ASIC2: variants seen among roughly 807,000 people sequenced by gnomAD.
ASIC2 encodes acid-sensing ion channel 2.
ASIC2 carries 25 observed loss-of-function variants against 57.3 expected under a neutral mutation model. The ratio of observed to expected loss-of-function variants is 0.44; its 90% CI spans 0.32 to 0.61. The LOEUF (loss-of-function observed/expected upper bound fraction) is 0.61, where lower values mean the gene tolerates loss of function less well. ASIC2 is among the 20% of genes least tolerant of loss of function. The pLI is 0.06. For missense variants in ASIC2, 641 were observed against 738.1 expected, an observed-to-expected ratio of 0.87 and a Z score of 1.52; for synonymous variants, 319 against 307.5, an observed-to-expected ratio of 1.04 and a Z score of -0.39.
intron 1 of ASIC2, among the ~76,000 whole-genome samples, chr17:33,699,789 C>G (rs1489455401): frequency 6.6e-6 from 1 of 152,170 alleles, no homozygotes; most frequent in Non-Finnish European, 1.5e-5. Flanking sequence ...TATTTCTTAG[C>G]ATACATTTAT....
intron 1 of ASIC2, among the ~76,000 whole-genome samples, chr17:33,799,377 CCTTTCTTT>C (rs150337011): frequency 0.041 from 1,660 of 40,268 alleles, 15 homozygotes; most frequent in Middle Eastern, 0.056. Flanking sequence ...TTTCTTTCTT[CCTTTCTTT>C]CTTTCTTTCT....
At chr17:33,632,445 G>C (rs1286832015) in intron 1 of ASIC2, among the ~76,000 whole-genome samples, 2 of 152,126 alleles carry the variant, frequency 1.3e-5, no homozygotes, top group Non-Finnish European at 2.9e-5. Flanking sequence ...ACTGCCCAGT[G>C]CTGGGACAGT....
At chr17:33,453,057 G>C (rs1912318947) in intron 1 of ASIC2, among the ~76,000 whole-genome samples, 1 of 152,130 alleles carries the variant, frequency 6.6e-6, no homozygotes. Flanking sequence ...CCTCTCCGAA[G>C]GTTGCTAACT....
intron 1 of ASIC2, among the ~76,000 whole-genome samples, chr17:34,125,297 A>G (rs1161117755): frequency 6.6e-6 from 1 of 151,990 alleles, no homozygotes; most frequent in Non-Finnish European, 1.5e-5. Context: ...CTGGCACACA[A>G]TGTGTATACG....
intron 3 of ASIC2, among the ~76,000 whole-genome samples, chr17:33,062,129 T>C (rs1375614963): frequency 1.3e-5 from 2 of 152,226 alleles, no homozygotes; most frequent in Non-Finnish European, 2.9e-5. Context: ...GATTCACTGA[T>C]TTTTTGAAGG....
intron 1 of ASIC2, among the ~76,000 whole-genome samples, chr17:33,587,657 A>G (rs1174583146): frequency 6.6e-6 from 1 of 152,242 alleles, no homozygotes; most frequent in African/African-American, 2.4e-5. Context: ...GAGGTTGGGC[A>G]TAACACTTGT....
intron 1 of ASIC2, among the ~76,000 whole-genome samples, chr17:33,320,361 T>C (rs1302318533): frequency 1.3e-5 from 2 of 152,066 alleles, no homozygotes; most frequent in Non-Finnish European, 2.9e-5. Flanking sequence ...CTTTAAAGGG[T>C]TTCATTTTTA....
chr17:33,964,708 T>C lies in ASIC2; in HGVS notation c.555+191270A>G, dbSNP rs71379436. Reference sequence around the variant, plus strand: ...CCCATCTGGCCACATATCCCTCAGATTGTTGCCAGAACTTTCTTATTTCAT... The same window carrying C: ...CCCATCTGGCCACATATCCCTCAGACTGTTGCCAGAACTTTCTTATTTCAT... On this transcript the variant is annotated intron_variant, in intron 1 of 9. Transcript: ENST00000359872. 9.9e-3 allele frequency among the ~76,000 whole-genome samples: 1,501 copies of C among 152,332 alleles called. 26 individuals are homozygous for C. Among genetic ancestry groups the C allele is most frequent in the African/African-American group, 0.034 (1,423 of 41,566 alleles).
intron 1 of ASIC2, among the ~76,000 whole-genome samples, chr17:33,329,064 A>G (rs1392508770): frequency 6.6e-6 from 1 of 151,046 alleles, no homozygotes; most frequent in Non-Finnish European, 1.5e-5. Flanking sequence ...GCAGGAAAAA[A>G]GCTCAGAATT....
At chr17:33,976,469 T>A (rs1905390857) in intron 1 of ASIC2, 1 of 152,082 alleles carries the variant, frequency 6.6e-6, no homozygotes, top group African/African-American at 2.4e-5. Flanking sequence ...GTTTTCCAAC[T>A]CACCTGTGCT....
At chr17:33,798,019 A>C (rs1323074308) in intron 1 of ASIC2, among the ~76,000 whole-genome samples, 1 of 152,200 alleles carries the variant, frequency 6.6e-6, no homozygotes, top group Non-Finnish European at 1.5e-5. Context: ...CAGAGGTGGC[A>C]GCTGAGGAGA....
chr17:33,915,550 G>T (rs1452535876), intron 1 of ASIC2, among the ~76,000 whole-genome samples: 1 of 152,046 alleles, frequency 6.6e-6, no homozygotes, highest in South Asian at 2.1e-4. Flanking sequence ...GCTACAGCCC[G>T]TTTTTCTGCT....
chr17:33,958,453 C>T (rs1355954809), intron 1 of ASIC2, among the ~76,000 whole-genome samples: 2 of 144,354 alleles, frequency 1.4e-5, no homozygotes, highest in Non-Finnish European at 3.1e-5. Context: ...GGAGGAGGTT[C>T]CCAAATCTCA....
At chr17:33,195,481 A>T (rs1412451313) in intron 1 of ASIC2, among the ~76,000 whole-genome samples, 1 of 152,210 alleles carries the variant, frequency 6.6e-6, no homozygotes, top group Non-Finnish European at 1.5e-5. Context: ...GTGAATGAGG[A>T]TCATGATAGT....
intron 1 of ASIC2, among the ~76,000 whole-genome samples, chr17:33,302,414 C>T (rs1237690484): frequency 6.6e-6 from 1 of 152,192 alleles, no homozygotes; most frequent in Non-Finnish European, 1.5e-5. Flanking sequence ...TCAGTCATGA[C>T]TTAATCATGG....
intron 6 of ASIC2, among the ~76,000 whole-genome samples, chr17:33,022,714 C>T (rs761807418): frequency 8.5e-5 from 13 of 152,244 alleles, no homozygotes; most frequent in African/African-American, 1.2e-4. Flanking sequence ...ATATGCTCCA[C>T]TAGAACTTGG....
At chr17:33,212,345 C>T (rs896535708) in intron 1 of ASIC2, among the ~76,000 whole-genome samples, 3 of 152,050 alleles carry the variant, frequency 2.0e-5, no homozygotes, top group Non-Finnish European at 2.9e-5. Flanking sequence ...GGAGATGGCA[C>T]CTACGATGGA....
chr17:34,110,662 G>A (rs1029994241), intron 1 of ASIC2, among the ~76,000 whole-genome samples: 2 of 152,200 alleles, frequency 1.3e-5, no homozygotes, highest in African/African-American at 4.8e-5. Context: ...AAAATCATCG[G>A]TTAGGAAGGC....
chr17:33,409,748 A>G (rs1910592191), intron 1 of ASIC2, among the ~76,000 whole-genome samples: 1 of 152,164 alleles, frequency 6.6e-6, no homozygotes, highest in Non-Finnish European at 1.5e-5. Flanking sequence ...AGGGGTATGA[A>G]TACAGCTAGA....
Sources: gnomAD v4.1 joint callset for allele counts (sites outside exome capture counted in the v4.1 genomes callset) on GRCh38, gnomAD v4.1.1 for gene constraint, MANE v1.5 for transcripts, NCBI Gene and HGNC (gene_info 2026-07-23, HGNC 2026-07-21) for gene names.